The following SMPD4 variants were observed in gnomAD, a reference collection of about 807,000 sequenced individuals.
SMPD4 encodes the protein neutral sphingomyelinase 3.
In SMPD4, 58 loss-of-function variants were observed where a neutral mutation model predicts 97.8. The ratio of observed to expected loss-of-function variants is 0.59; its 90% CI spans 0.48 to 0.74. SMPD4 has a LOEUF of 0.74. Ranked by LOEUF, SMPD4 falls within the 30% of genes least tolerant of loss-of-function variation. The probability of loss-of-function intolerance (pLI) is 0.00; values close to 1 mark genes in which losing one functional copy is unlikely to be tolerated. For missense variants in SMPD4, 853 were observed against 1,080.5 expected, an observed-to-expected ratio of 0.79 and a Z score of 2.95; for synonymous variants, 388 against 450.0, an observed-to-expected ratio of 0.86 and a Z score of 1.74.
chr2:130,180,288 C>T (rs1244185459), intron 1 of SMPD4, among the ~76,000 whole-genome samples: 1 of 145,052 alleles, frequency 6.9e-6, no homozygotes, highest in South Asian at 2.2e-4. Flanking sequence ...TTTTTTCAGA[C>T]GGAGTCTCGC....
At position 130,152,517 on chromosome 2, in the gene SMPD4, C is replaced by T; in HGVS notation, c.*38G>A. The T allele has an allele frequency of 6.6e-7, 1 of 1,514,086 alleles. No individual in the cohort carries two copies. The highest frequency in any genetic ancestry group is 8.9e-7 in the Non-Finnish European group (1 of 1,123,638). 93.8% of individuals were successfully genotyped at this position (1,514,086 alleles called of 1,614,324 possible). On this transcript the variant is annotated 3_prime_UTR_variant, in exon 20 of 20. Coordinates refer to ENST00000680298, the MANE Select transcript of SMPD4 (RefSeq NM_017951.5). ...TCAGCCCAAGGGTGGGGCTGTGTGGCAAATCCCTCCAGCCTGCTCTGAAGG... is the reference window on the plus strand; with the variant it reads ...TCAGCCCAAGGGTGGGGCTGTGTGGTAAATCCCTCCAGCCTGCTCTGAAGG...
At chr2:130,173,419 A>T (rs1405778088) in intron 4 of SMPD4, 65 bp from the exon 5 acceptor site, 6 of 1,599,634 alleles carry the variant, frequency 3.8e-6, no homozygotes, top group African/African-American at 1.3e-5. Flanking sequence ...TCTTGCTTTG[A>T]TTGTTTCTTA....
At position 130,167,601 on chromosome 2, in the gene SMPD4, C is replaced by G. The variant is rs753205254; in HGVS notation, c.660-11G>C. 6.3e-7 allele frequency: 1 copy of G among 1,588,634 alleles called. No individual in the cohort carries two copies. The highest frequency in any genetic ancestry group is 2.3e-5 in the East Asian group (1 of 44,368). On this transcript the variant is annotated splice_polypyrimidine_tract_variant and intron_variant, in intron 8 of 19. Coordinates refer to ENST00000680298, the MANE Select transcript of SMPD4 (RefSeq NM_017951.5). ...GGTATGGCTGGTGTCCTGAGGGAGA[C>G]ACAGAAACAGGCCCGAGTTACAGGC...
At chr2:130,181,093 T>A (rs1409155540) in intron 1 of SMPD4, among the ~76,000 whole-genome samples, 2 of 152,146 alleles carry the variant, frequency 1.3e-5, no homozygotes, top group Non-Finnish European at 2.9e-5. Flanking sequence ...CGCCCACTTG[T>A]TCCCAACTCT....
intron 15 of SMPD4, chr2:130,154,724 C>G (rs1451558720): frequency 1.7e-6 from 1 of 587,514 alleles, no homozygotes. Flanking sequence ...ACAGGAGGAT[C>G]GACAGAAACC....
At chr2:130,161,897 T>C (rs1389130754) in intron 10 of SMPD4, among the ~76,000 whole-genome samples, 2 of 152,208 alleles carry the variant, frequency 1.3e-5, no homozygotes, top group East Asian at 1.9e-4. Flanking sequence ...GTATAAGACA[T>C]GATTGATTCC....
At chr2:130,179,858 T>C (rs1190340251) in intron 1 of SMPD4, among the ~76,000 whole-genome samples, 6 of 152,010 alleles carry the variant, frequency 3.9e-5, no homozygotes, top group African/African-American at 1.5e-4. Context: ...TTTCACTATG[T>C]TGGCCAGACT....
At position 130,181,501 on chromosome 2, in the gene SMPD4, G is replaced by A. The variant is rs779221382; in HGVS notation, c.-46+29C>T. 1.6e-5 allele frequency: 26 copies of A among 1,586,910 alleles called. No homozygotes were observed. The African/African-American group carries it at 3.5e-4, about 21-fold the overall frequency. ...GGGGAAGCCCCCAGGGCGCCGGACC[G>A]TCTCAGGCGCGCATCCCGCGCCACT... On this transcript the variant is annotated intron_variant, in intron 1 of 19. Transcript: ENST00000680298.
chr2:130,154,906 G>A (rs1686621365), intron 15 of SMPD4, 190 bp downstream of exon 15: 2 of 767,676 alleles, frequency 2.6e-6, no homozygotes, highest in East Asian at 2.7e-5. Flanking sequence ...GGTGGCTGCA[G>A]GGCAGGCAGG....
At chr2:130,176,287 TTCC>T (rs1414445712) in intron 2 of SMPD4, among the ~76,000 whole-genome samples, 1 of 152,230 alleles carries the variant, frequency 6.6e-6, no homozygotes, top group African/African-American at 2.4e-5. Flanking sequence ...TCACTTGCTC[TTCC>T]TCCTCCTCAC....
In SMPD4 at chr2:130,152,744, G is replaced by A. The variant is rs751217997; in HGVS notation, c.2295C>T (p.Arg765=). ...VGRRQVAGHT[R]GPRLSLRFLG... ...GGAAGCGCAGGCTGAGCCTGGGGCCGCGGGTGTGGCCGGCCACCTGCCTCC... is the reference window on the plus strand; with the variant it reads ...GGAAGCGCAGGCTGAGCCTGGGGCCACGGGTGTGGCCGGCCACCTGCCTCC... Residue 765 remains arginine (R), a synonymous_variant, in exon 20 of 20, where the codon CGC becomes CGT. Coordinates refer to ENST00000680298, the MANE Select transcript of SMPD4 (RefSeq NM_017951.5). 36 of 1,593,854 alleles carry A rather than the reference G, an allele frequency of 2.3e-5. No individual in the cohort carries two copies. In the East Asian group the frequency reaches 3.9e-4, roughly 17 times the overall value.
rs1353455048 is a variant in SMPD4 at position 130,173,672 on chromosome 2, G to A, written c.127-16C>T. The A allele has an allele frequency of 6.2e-7, 1 of 1,613,700 alleles. No individual in the cohort carries two copies. On this transcript the variant is annotated splice_polypyrimidine_tract_variant and intron_variant, in intron 3 of 19. Transcript: ENST00000680298. ...TGTGCAGCTCCTGAAACAATGTGTGGTGAAGCCGCGTGCAGGACCAGCACC... is the reference window on the plus strand; with the variant it reads ...TGTGCAGCTCCTGAAACAATGTGTGATGAAGCCGCGTGCAGGACCAGCACC...
chr2:130,159,637 CAA>C (rs543921050), intron 11 of SMPD4: 33 of 72,866 alleles, frequency 4.5e-4, no homozygotes, highest in Non-Finnish European at 4.6e-4. Context: ...GACTCCATCT[CAA>C]AAAAAAAAAA....
intron 8 of SMPD4, among the ~76,000 whole-genome samples, chr2:130,168,489 A>G (rs1361185483): frequency 6.6e-6 from 1 of 151,828 alleles, no homozygotes; most frequent in Non-Finnish European, 1.5e-5. Flanking sequence ...TGATAATTAC[A>G]TAGTCTCCAT....
At chr2:130,181,379 C>T (rs1689608173) in intron 1 of SMPD4, 151 bp downstream of exon 1, 1 of 1,448,422 alleles carries the variant, frequency 6.9e-7, no homozygotes, top group Admixed American at 2.8e-5. Flanking sequence ...TCAACCGGGG[C>T]CCTCCACTCC....
chr2:130,164,702 GATTA>G lies in SMPD4; in HGVS notation c.793-261_793-258del, dbSNP rs545652012. ...ACTTCATAACACTAGATTTGGCAAT[GATTA>G]ATTAGATATGATGCCCAAAGCACAG... On this transcript the variant is annotated intron_variant, in intron 9 of 19. Coordinates refer to ENST00000680298, the MANE Select transcript of SMPD4 (RefSeq NM_017951.5). Among the ~76,000 whole-genome samples, 25 of 152,190 alleles carry G rather than the reference GATTA, an allele frequency of 1.6e-4. No individual in the cohort carries two copies. The South Asian group carries it at 5.2e-3, about 32-fold the overall frequency.
chr2:130,162,661 T>A (rs79319280), intron 10 of SMPD4, among the ~76,000 whole-genome samples: 2 of 152,108 alleles, frequency 1.3e-5, no homozygotes, highest in African/African-American at 2.4e-5. Context: ...ACTTCCTGCA[T>A]CTGAAAATAA....
At chr2:130,166,068 TC>T (rs1478537319) in intron 9 of SMPD4, among the ~76,000 whole-genome samples, 1 of 152,060 alleles carries the variant, frequency 6.6e-6, no homozygotes. Context: ...ACGCCTGTAA[TC>T]CCAACACTTT....
rs761903845 is a variant in SMPD4, at chr2:130,153,369, A to G, written c.1975T>C (p.Cys659Arg). 6.2e-7 allele frequency: 1 copy of G among 1,613,844 alleles called. No homozygotes were observed. Among genetic ancestry groups the G allele is most frequent in the East Asian group, 2.2e-5 (1 of 44,878 alleles). The change falls in exon 18 of 20, where the codon TGC becomes CGC. Residue 659 changes from cysteine (C) to arginine (R), a missense_variant. Coordinates refer to ENST00000680298, the MANE Select transcript of SMPD4 (RefSeq NM_017951.5). Reference sequence around the variant, plus strand: ...ATGAGTCCGTCCTCACCCACGATGCAGTCGGGGAGTTGCTTTTTTCCATTC... The same window carrying G: ...ATGAGTCCGTCCTCACCCACGATGCGGTCGGGGAGTTGCTTTTTTCCATTC... ...DENGKKQLPD[C>R]IVGEDGLILT... is the part of the protein sequence containing the mutation.
Sources: gnomAD v4.1 joint callset for allele counts (sites outside exome capture counted in the v4.1 genomes callset) on GRCh38, gnomAD v4.1.1 for gene constraint, MANE v1.5 for transcripts, NCBI Gene and HGNC (gene_info 2026-07-23, HGNC 2026-07-21) for gene names.